The following ZNF827 variants were observed in gnomAD, a reference collection of about 807,000 sequenced individuals.
The protein encoded by ZNF827 is zinc finger protein 827.
A neutral mutation model predicts 102.4 loss-of-function variants in ZNF827; 13 were observed. The observed-to-expected ratio is 0.13, with a 90% CI of 0.08 to 0.20. ZNF827 has a LOEUF of 0.20. ZNF827 is among the 10% of genes least tolerant of loss of function. ZNF827 has a pLI of 1.00. For missense variants in ZNF827, 1,103 were observed against 1,344.4 expected (o/e 0.82, Z 2.81); for synonymous variants, 523 against 536.2 (o/e 0.98, Z 0.34).
At chr4:145,806,442 C>T (rs991306885) in intron 8 of ZNF827, among the ~76,000 whole-genome samples, 2 of 152,188 alleles carry the variant, frequency 1.3e-5, no homozygotes, top group African/African-American at 4.8e-5. Flanking sequence ...AGGTGTGAGA[C>T]ATTGTGCTGG....
At chr4:145,868,640 T>C (rs1444433506) in intron 5 of ZNF827, among the ~76,000 whole-genome samples, 2 of 152,252 alleles carry the variant, frequency 1.3e-5, no homozygotes, top group East Asian at 3.8e-4. Context: ...AATCTCATCA[T>C]GCAAAAGGAT....
At chr4:145,837,674 C>T (rs1413871259) in intron 7 of ZNF827, among the ~76,000 whole-genome samples, 1 of 152,194 alleles carries the variant, frequency 6.6e-6, no homozygotes, top group Non-Finnish European at 1.5e-5. Flanking sequence ...TCTTTGCTGG[C>T]AGGACTATGC....
At chr4:145,770,299 A>AAAAT (rs150231954) in intron 11 of ZNF827, among the ~76,000 whole-genome samples, 9,153 of 87,136 alleles carry the variant, frequency 0.11, 343 homozygotes, top group Non-Finnish European at 0.13. Context: ...ACCCTGTCTT[A>AAAAT]AAATAAATAA....
intron 8 of ZNF827, among the ~76,000 whole-genome samples, chr4:145,821,134 T>C (rs1743104836): frequency 6.6e-6 from 1 of 152,218 alleles, no homozygotes; most frequent in African/African-American, 2.4e-5. Flanking sequence ...TCAAGTACAT[T>C]CATAGTTCTT....
chr4:145,899,386 C>T (rs1751234660), intron 2 of ZNF827, among the ~76,000 whole-genome samples: 1 of 152,092 alleles, frequency 6.6e-6, no homozygotes, highest in Non-Finnish European at 1.5e-5. Context: ...CCTTCCACTC[C>T]TCAGATGCCA....
chr4:145,766,104 A>T (rs1250974933), intron 11 of ZNF827, among the ~76,000 whole-genome samples: 2 of 152,208 alleles, frequency 1.3e-5, no homozygotes, highest in Non-Finnish European at 2.9e-5. Context: ...AACTGTTATC[A>T]GCCCCATTTT....
At chr4:145,854,713 G>A (rs1008606300) in intron 5 of ZNF827, among the ~76,000 whole-genome samples, 13 of 152,152 alleles carry the variant, frequency 8.5e-5, no homozygotes, top group African/African-American at 3.1e-4. Context: ...CTTTTGTTAT[G>A]TGCTCTTTCC....
chr4:145,899,836 A>G (rs1316322140), intron 2 of ZNF827, among the ~76,000 whole-genome samples: 1 of 152,170 alleles, frequency 6.6e-6, no homozygotes, highest in Non-Finnish European at 1.5e-5. Flanking sequence ...GGGTTCTATA[A>G]CCCAAAGCTG....
intron 5 of ZNF827, among the ~76,000 whole-genome samples, chr4:145,850,737 C>A (rs1452612111): frequency 1.3e-5 from 2 of 152,176 alleles, no homozygotes; most frequent in African/African-American, 4.8e-5. Context: ...ACTGTGTACT[C>A]AGCACACTGG....
intron 9 of ZNF827, 87 bp from the exon 10 acceptor site, chr4:145,776,047 G>A: frequency 6.8e-7 from 1 of 1,479,734 alleles, no homozygotes; most frequent in Non-Finnish European, 9.3e-7. Flanking sequence ...AAGGTATCAA[G>A]GAAAGAATGG....
At chr4:145,809,056 T>C (rs1741766602) in intron 8 of ZNF827, among the ~76,000 whole-genome samples, 1 of 152,174 alleles carries the variant, frequency 6.6e-6, no homozygotes, top group African/African-American at 2.4e-5. Flanking sequence ...CTGCCTTGGC[T>C]TCCCAAAGCA....
intron 8 of ZNF827, among the ~76,000 whole-genome samples, chr4:145,809,240 G>A (rs756724763): frequency 1.3e-5 from 2 of 152,184 alleles, no homozygotes; most frequent in African/African-American, 2.4e-5. Context: ...TTTCTCCTTT[G>A]TTCAAAATGA....
chr4:145,885,641 A>G (rs1041728464), intron 4 of ZNF827, 37 bp downstream of exon 4: 2 of 1,503,332 alleles, frequency 1.3e-6, no homozygotes, highest in Non-Finnish European at 1.8e-6. Context: ...AGAGAGAGAG[A>G]GAGAGAGAGA....
chr4:145,870,691 G>T, intron 4 of ZNF827: 1 of 494,480 alleles, frequency 2.0e-6, no homozygotes, highest in South Asian at 3.4e-5. Context: ...TGAATCTTTT[G>T]AACCTAAAAT....
intron 6 of ZNF827, among the ~76,000 whole-genome samples, chr4:145,846,466 A>T (rs1001067188): frequency 6.7e-6 from 1 of 148,560 alleles, no homozygotes; most frequent in Admixed American, 6.7e-5. Flanking sequence ...CAACAGAGCA[A>T]GACTCTGTCT....
At chr4:145,889,138 C>T (rs1750382270) in intron 3 of ZNF827, among the ~76,000 whole-genome samples, 1 of 152,068 alleles carries the variant, frequency 6.6e-6, no homozygotes, top group Non-Finnish European at 1.5e-5. Context: ...CTTTGTTTAT[C>T]AGTTTTTCTA....
chr4:145,880,856 C>G (rs1199148532), intron 4 of ZNF827, among the ~76,000 whole-genome samples: 1 of 152,234 alleles, frequency 6.6e-6, no homozygotes, highest in East Asian at 1.9e-4. Context: ...AGCCCCCTGG[C>G]TGTTGGCACT....
intron 5 of ZNF827, among the ~76,000 whole-genome samples, chr4:145,857,978 G>A (rs183941579): frequency 4.3e-4 from 65 of 152,136 alleles, no homozygotes; most frequent in Middle Eastern, 3.4e-3. Context: ...AAATGGAAAG[G>A]GTCAATTAAA....
In ZNF827 at chr4:145,765,043, G is replaced by A. The variant is rs1579078269; in HGVS notation, c.3175C>T (p.Pro1059Ser). 1 of 1,614,082 alleles carries A rather than the reference G, an allele frequency of 6.2e-7. No homozygotes were observed. The highest frequency in any genetic ancestry group is 1.3e-5 in the African/African-American group (1 of 74,926). ...TTCTTATGCTCCAGCAGCTGTTCGG[G>A]GGTCTTCATGAACTTGTGGCACACA... Reference protein sequence around the residue: ...CDVCHKFMKTPEQLLEHKKCH... With the variant: ...CDVCHKFMKTSEQLLEHKKCH... The change falls in exon 13 of 15, where the codon CCC (proline) becomes TCC (serine). Residue 1059 changes from proline (P) to serine (S), a missense_variant. Pro to Ser is a moderately conservative substitution (Grantham distance 74, BLOSUM62 -1). This residue lies in a region of ZNF827 where 242 missense variants were observed against 361.9 expected (regional missense o/e 0.67). Transcript: ENST00000508784. The surrounding 1 kb of genome is among the most constrained non-coding windows in gnomAD (Gnocchi z 4.7).
Sources: allele counts gnomAD v4.1 joint callset (sites outside exome capture counted in the v4.1 genomes callset), GRCh38; gene constraint gnomAD v4.1.1; regional missense constraint gnomAD v4.1.1; non-coding constraint Gnocchi (gnomAD v3.1); transcripts MANE v1.5; gene names NCBI Gene and HGNC (gene_info 2026-07-23, HGNC 2026-07-21).